UNC13B: variants seen among roughly 807,000 people sequenced by gnomAD.
UNC13B encodes unc-13 homolog B.
A neutral mutation model predicts 211.0 loss-of-function variants in UNC13B; 144 were observed. The ratio of observed to expected loss-of-function variants is 0.68; its 90% CI spans 0.60 to 0.78. The LOEUF is 0.78. Ranked by LOEUF, UNC13B falls within the 30% of genes least tolerant of loss-of-function variation. UNC13B has a pLI of 0.00. For synonymous variants in UNC13B, 709 were observed against 725.8 expected (o/e 0.98, Z 0.37); for missense variants, 1,777 against 2,002.0 (o/e 0.89, Z 2.14).
At chr9:35,171,288 G>C (rs1490300618) in intron 1 of UNC13B, among the ~76,000 whole-genome samples, 2 of 151,988 alleles carry the variant, frequency 1.3e-5, no homozygotes, top group African/African-American at 4.8e-5. Context: ...TTTCAGTAGA[G>C]ACAGGGTTTC....
rs115825130 is a variant in UNC13B at position 35,368,898 on chromosome 9, G to C, written c.9462-1420G>C. Among the ~76,000 whole-genome samples the C allele has an allele frequency of 7.2e-3, 1,101 of 152,224 alleles. 8 individuals are homozygous for C. Among genetic ancestry groups the C allele is most frequent in the African/African-American group, 0.025 (1,042 of 41,542 alleles). ...AGTTGTGGCATCAGTTGCTTCTTCAGTGATCTTTAGTTTTTTTCTTCTAAT... is the reference window on the plus strand; with the variant it reads ...AGTTGTGGCATCAGTTGCTTCTTCACTGATCTTTAGTTTTTTTCTTCTAAT... On this transcript the variant is annotated intron_variant, in intron 12 of 39. Coordinates refer to ENST00000635942, the MANE Select transcript of UNC13B (RefSeq NM_001371189.2).
chr9:35,385,046 A>G (rs1390132742), intron 22 of UNC13B: 9 of 985,298 alleles, frequency 9.1e-6, no homozygotes, highest in South Asian at 4.7e-5. Context: ...CTGACTGTAT[A>G]TCTTATATTT....
intron 11 of UNC13B, among the ~76,000 whole-genome samples, chr9:35,360,157 G>A (rs773220411): frequency 4.6e-5 from 7 of 152,132 alleles, no homozygotes; most frequent in South Asian, 2.1e-4. Context: ...CAGTGAGGCC[G>A]CCCTAACAAC....
At chr9:35,397,119 G>A (rs778929379) in intron 28 of UNC13B, 48 bp from the exon 29 acceptor site, 17 of 1,609,414 alleles carry the variant, frequency 1.1e-5, no homozygotes, top group Non-Finnish European at 1.4e-5. Context: ...ACAAGCTTGG[G>A]AAAAGATAGC....
chr9:35,236,564 A>C lies in UNC13B; in HGVS notation c.248A>C (p.Lys83Thr), dbSNP rs1030611754. 1.9e-6 allele frequency: 3 copies of C among 1,614,088 alleles called. No homozygotes were observed. The highest frequency in any genetic ancestry group is 2.5e-6 in the Non-Finnish European group (3 of 1,179,958). ...TMVGTVWIAL[K>T]TIRQSDEEGP... ...GTGGGGACTGTGTGGATTGCGCTGA[A>C]GACTATTCGTCAGTCGGATGAGGTC... The change falls in exon 4 of 40, where the codon AAG (lysine) becomes ACG (threonine). Residue 83 changes from lysine (K) to threonine (T), a missense_variant. Coordinates refer to ENST00000635942, the MANE Select transcript of UNC13B (RefSeq NM_001371189.2).
chr9:35,345,354 C>T (rs765261940), intron 11 of UNC13B, among the ~76,000 whole-genome samples: 6 of 152,030 alleles, frequency 3.9e-5, no homozygotes, highest in South Asian at 2.1e-4. Context: ...TATCAGTGGA[C>T]GGAAATTACT....
intron 1 of UNC13B, among the ~76,000 whole-genome samples, chr9:35,215,632 G>A (rs1363993124): frequency 6.6e-6 from 1 of 152,096 alleles, no homozygotes; most frequent in Non-Finnish European, 1.5e-5. Flanking sequence ...TTCAAGGATA[G>A]GGTTTTTATT....
At position 35,385,775 on chromosome 9, in the gene UNC13B, G is replaced by A. The variant is rs991783765; in HGVS notation, c.10927G>A (p.Val3643Met). ...ACGGCTTCAGGACTTAAAATCCACA[G>A]TGGATTTGCTGACCAGCATTACTTT... is the stretch of plus-strand genomic sequence containing the variant. The part of the protein sequence containing the change: ...PERLQDLKST[V>M]DLLTSITFFR... The change falls in exon 23 of 40, where the codon GTG becomes ATG. Residue 3643 changes from valine (V) to methionine (M), a missense_variant. Coordinates refer to ENST00000635942, the MANE Select transcript of UNC13B (RefSeq NM_001371189.2). 6.8e-6 allele frequency: 11 copies of A among 1,610,610 alleles called. No individual in the cohort carries two copies. Among genetic ancestry groups the A allele is most frequent in the Non-Finnish European group, 9.3e-6 (11 of 1,177,152 alleles).
chr9:35,292,430 G>A (rs533274974), intron 7 of UNC13B, among the ~76,000 whole-genome samples: 26 of 152,102 alleles, frequency 1.7e-4, no homozygotes, highest in Non-Finnish European at 3.1e-4. Flanking sequence ...CTACCACTGG[G>A]CCTTTCATCA....
chr9:35,378,235 G>C, intron 16 of UNC13B, 60 bp from the exon 17 acceptor site: 1 of 1,607,154 alleles, frequency 6.2e-7, no homozygotes, highest in Non-Finnish European at 8.5e-7. Context: ...AAGCATATGA[G>C]TAGTGTTGTG....
intron 6 of UNC13B, among the ~76,000 whole-genome samples, chr9:35,254,685 T>C (rs1227437564): frequency 6.6e-6 from 1 of 151,566 alleles, no homozygotes; most frequent in South Asian, 2.1e-4. Flanking sequence ...ACATTACTAT[T>C]ATAAGTAAAT....
intron 7 of UNC13B, among the ~76,000 whole-genome samples, chr9:35,281,208 C>A (rs1828466317): frequency 6.7e-6 from 1 of 150,322 alleles, no homozygotes; most frequent in African/African-American, 2.5e-5. Context: ...CGAGATCACG[C>A]CACTGCACTC....
chr9:35,263,267 A>T (rs1260206148), intron 7 of UNC13B, among the ~76,000 whole-genome samples: 1 of 152,252 alleles, frequency 6.6e-6, no homozygotes, highest in Non-Finnish European at 1.5e-5. Flanking sequence ...AAAAAATAAT[A>T]GTCCTTAAGA....
intron 17 of UNC13B, among the ~76,000 whole-genome samples, chr9:35,378,991 T>C (rs1209641604): frequency 6.6e-6 from 1 of 152,208 alleles, no homozygotes. Flanking sequence ...AAACTATTTC[T>C]TATGACAGTA....
chr9:35,212,394 G>A (rs894102335), intron 1 of UNC13B, among the ~76,000 whole-genome samples: 9 of 152,060 alleles, frequency 5.9e-5, no homozygotes, highest in Admixed American at 1.3e-4. Context: ...CCAACATGGC[G>A]AAAACCTGTC....
intron 1 of UNC13B, among the ~76,000 whole-genome samples, chr9:35,186,627 A>G (rs1278792450): frequency 6.6e-6 from 1 of 152,152 alleles, no homozygotes; most frequent in African/African-American, 2.4e-5. Context: ...CCAAGAGGAA[A>G]AAGCTGACTG....
At chr9:35,255,543 G>A (rs1436165443) in intron 6 of UNC13B, among the ~76,000 whole-genome samples, 1 of 152,052 alleles carries the variant, frequency 6.6e-6, no homozygotes, top group Non-Finnish European at 1.5e-5. Flanking sequence ...TAATTTGACA[G>A]GTAGGGGTTT....
intron 3 of UNC13B, among the ~76,000 whole-genome samples, chr9:35,233,580 G>A (rs1018770846): frequency 2.0e-5 from 3 of 151,912 alleles, no homozygotes; most frequent in African/African-American, 4.8e-5. Context: ...TTTTGTCACC[G>A]GAATCTCCAG....
Position 35,375,142 on chromosome 9 carries a change from C to T in UNC13B, c.9556C>T (p.Arg3186Trp), listed in dbSNP as rs376500028. Residue 3186 changes from arginine to tryptophan, a missense_variant, in exon 14 of 40, where the codon CGG becomes TGG. Coordinates refer to ENST00000635942, the MANE Select transcript of UNC13B (RefSeq NM_001371189.2). ...TCCCTGACAGTCACTGGTCCAGTCT[C>T]GGAAGGCAGGAATCACTTCTGCAAT... Reference protein sequence around the residue: ...LVSDLSLVQSRKAGITSAMAT... With the variant: ...LVSDLSLVQSWKAGITSAMAT... 2.3e-5 allele frequency: 37 copies of T among 1,614,050 alleles called. No homozygotes were observed. The highest frequency in any genetic ancestry group is 1.3e-4 in the African/African-American group (10 of 74,926).
Sources: allele counts gnomAD v4.1 joint callset (sites outside exome capture counted in the v4.1 genomes callset), GRCh38; gene constraint gnomAD v4.1.1; transcripts MANE v1.5; gene names NCBI Gene and HGNC (gene_info 2026-07-23, HGNC 2026-07-21).